Variants in MYCBP2 observed in about 807,000 individuals in gnomAD.
MYCBP2 encodes the protein E3 ubiquitin-protein ligase MYCBP2.
MYCBP2 carries 120 observed loss-of-function variants against 525.3 expected under a neutral mutation model. The ratio of observed to expected loss-of-function variants is 0.23; its 90% CI spans 0.20 to 0.27. The LOEUF (loss-of-function observed/expected upper bound fraction) is 0.27. MYCBP2 is among the 10% of genes least tolerant of loss of function. MYCBP2 has a pLI of 1.00. For synonymous variants in MYCBP2, 1,894 were observed against 1,955.8 expected, an observed-to-expected ratio of 0.97 and a Z score of 0.83; for missense variants, 4,149 against 5,657.1, an observed-to-expected ratio of 0.73 and a Z score of 8.55.
In MYCBP2 at chr13:77,097,611, A is replaced by G. The variant is rs371116053; in HGVS notation, c.9543T>C (p.Asn3181=). Residue 3181 remains asparagine (N), a synonymous_variant, in exon 56 of 83, where the codon AAT becomes AAC. Transcript: ENST00000544440. The part of the protein sequence containing the change: ...SLATIKAASQ[N]MIFPSPGSCA... ...AGGAACCAGGACTTGGAAAAATCAT[A>G]TTCTGGGAAGCAGCTTTGATAGTAG... 15 of 1,613,486 alleles carry G rather than the reference A, an allele frequency of 9.3e-6. No homozygotes were observed. Among genetic ancestry groups the G allele is most frequent in the Non-Finnish European group, 1.0e-5 (12 of 1,179,792 alleles).
chr13:77,226,476 T>G (rs1002589988), intron 18 of MYCBP2, among the ~76,000 whole-genome samples: 2 of 152,196 alleles, frequency 1.3e-5, no homozygotes, highest in Non-Finnish European at 2.9e-5. Context: ...TCAAATTCCT[T>G]GTACACAGAA....
chr13:77,290,488 TA>T (rs2077356759), intron 2 of MYCBP2, among the ~76,000 whole-genome samples: 1 of 152,200 alleles, frequency 6.6e-6, no homozygotes, highest in Admixed American at 6.5e-5. Flanking sequence ...GGTAAATGGT[TA>T]AACAAACTAT....
chr13:77,205,179 TTAAA>T (rs1295550942), intron 26 of MYCBP2, 73 bp downstream of exon 26: 14 of 1,284,832 alleles, frequency 1.1e-5, no homozygotes, highest in Admixed American at 5.8e-5. Context: ...AAATTAGACA[TTAAA>T]TAATAAAATA....
At chr13:77,087,376 C>A in intron 62 of MYCBP2, 108 bp downstream of exon 62, 1 of 993,730 alleles carries the variant, frequency 1.0e-6, no homozygotes, top group Admixed American at 2.6e-5. Flanking sequence ...ATTCTTTTTG[C>A]TTTCAAGTTA....
chr13:77,089,647 G>C (rs1934738), intron 60 of MYCBP2, among the ~76,000 whole-genome samples: 141,231 of 148,628 alleles, frequency 0.95, 67,107 homozygotes, highest in East Asian at 1. Context: ...TCATGTAACT[G>C]TTTTTTTTTT....
chr13:77,166,966 A>AACACAC (rs146476533), intron 40 of MYCBP2, among the ~76,000 whole-genome samples: 2 of 123,878 alleles, frequency 1.6e-5, no homozygotes, highest in African/African-American at 6.4e-5. Context: ...TCAAAGACAA[A>AACACAC]ACACACACAT....
At chr13:77,308,283 T>C (rs2154374069) in intron 1 of MYCBP2, among the ~76,000 whole-genome samples, 1 of 152,346 alleles carries the variant, frequency 6.6e-6, no homozygotes, top group East Asian at 1.9e-4. Flanking sequence ...CACCTTGAAA[T>C]GATCTCTAAC....
chr13:77,270,128 C>A, intron 6 of MYCBP2, 65 bp from the exon 7 acceptor site: 1 of 1,498,532 alleles, frequency 6.7e-7, no homozygotes. Context: ...AAAAATAATA[C>A]AAATGGGTGA....
chr13:77,215,095 T>C (rs1473005518), intron 21 of MYCBP2, among the ~76,000 whole-genome samples: 1 of 152,166 alleles, frequency 6.6e-6, no homozygotes, highest in Non-Finnish European at 1.5e-5. Context: ...GTCAAGGATA[T>C]GGGAGGAAGT....
At chr13:77,095,306 C>G in intron 58 of MYCBP2, 52 bp downstream of exon 58, 1 of 1,598,008 alleles carries the variant, frequency 6.3e-7, no homozygotes, top group Non-Finnish European at 8.5e-7. Context: ...TATCAATAAA[C>G]AATCGCTGTT....
chr13:77,261,051 T>C lies in MYCBP2; in HGVS notation c.1852+120A>G, dbSNP rs2073180381. ...TTAAGCAGTTACATCAAGTCAATGATATATATATAAAGTTGGTGTGGTGTT... is the reference window on the plus strand; with the variant it reads ...TTAAGCAGTTACATCAAGTCAATGACATATATATAAAGTTGGTGTGGTGTT... On this transcript the variant is annotated intron_variant, in intron 12 of 82. Transcript: ENST00000544440. The C allele has an allele frequency of 4.3e-6, 3 of 690,640 alleles. No individual in the cohort carries two copies. The African/African-American group carries it at 5.4e-5, about 13-fold the overall frequency. The allele number at this position is 690,640 out of a possible 1,614,324, so 42.8% of individuals were successfully genotyped here. A position where few individuals can be genotyped will look rare whatever the true frequency, so the allele number is the denominator to read the frequency against.
intron 31 of MYCBP2, 101 bp from the exon 32 acceptor site, chr13:77,185,478 A>G (rs2060634797): frequency 3.3e-6 from 4 of 1,198,984 alleles, no homozygotes; most frequent in Non-Finnish European, 4.7e-6. Context: ...TAAGTATCAC[A>G]AGTACTAATA....
chr13:77,153,980 T>C (rs2056887156), intron 46 of MYCBP2, among the ~76,000 whole-genome samples: 1 of 152,200 alleles, frequency 6.6e-6, no homozygotes, highest in South Asian at 2.1e-4. Flanking sequence ...CAATAACACT[T>C]GTTGCTTTTG....
intron 29 of MYCBP2, among the ~76,000 whole-genome samples, chr13:77,189,674 TA>T (rs1278185480): frequency 1.3e-5 from 2 of 152,156 alleles, no homozygotes; most frequent in Non-Finnish European, 2.9e-5. Flanking sequence ...AGTCTAGAAA[TA>T]AATAAGGTAA....
intron 52 of MYCBP2, among the ~76,000 whole-genome samples, chr13:77,128,574 T>A (rs926239420): frequency 6.6e-6 from 1 of 151,850 alleles, no homozygotes; most frequent in African/African-American, 2.4e-5. Flanking sequence ...GAAAAGGTAA[T>A]AAAACTATAT....
At chr13:77,319,077 G>T (rs567463961) in intron 1 of MYCBP2, among the ~76,000 whole-genome samples, 1 of 152,114 alleles carries the variant, frequency 6.6e-6, no homozygotes, top group Non-Finnish European at 1.5e-5. Context: ...GTCTGTGGTG[G>T]TGCTTTGGGG....
intron 20 of MYCBP2, among the ~76,000 whole-genome samples, chr13:77,218,625 C>G (rs2154290262): frequency 6.6e-6 from 1 of 152,288 alleles, no homozygotes; most frequent in African/African-American, 2.4e-5. Context: ...GTGTCTACCC[C>G]CACAGAGTTC....
intron 55 of MYCBP2, among the ~76,000 whole-genome samples, chr13:77,104,839 T>C (rs2047612400): frequency 6.6e-6 from 1 of 152,096 alleles, no homozygotes; most frequent in African/African-American, 2.4e-5. Flanking sequence ...GAGGAGTAGA[T>C]AGCAACATAC....
intron 18 of MYCBP2, among the ~76,000 whole-genome samples, chr13:77,231,365 G>A (rs1206920495): frequency 6.6e-6 from 1 of 152,168 alleles, no homozygotes; most frequent in East Asian, 1.9e-4. Context: ...TGAGTACCTG[G>A]GATTACAGGC....
Sources: gnomAD v4.1 joint callset for allele counts (sites outside exome capture counted in the v4.1 genomes callset) on GRCh38, gnomAD v4.1.1 for gene constraint, MANE v1.5 for transcripts, NCBI Gene and HGNC (gene_info 2026-07-23, HGNC 2026-07-21) for gene names.